Variants in SV2C observed in about 807,000 individuals in gnomAD.
The protein encoded by SV2C is synaptic vesicle glycoprotein 2C.
Under a neutral mutation model 79.7 loss-of-function variants are expected in SV2C, and 49 were observed. The ratio of observed to expected loss-of-function variants is 0.61; its 90% CI spans 0.49 to 0.78. The LOEUF (loss-of-function observed/expected upper bound fraction) is 0.78, where lower values mean the gene tolerates loss of function less well. Among genes scored for constraint, SV2C ranks in the 30% least tolerant of loss-of-function variants. The pLI is 0.00. For missense variants in SV2C, 833 were observed against 912.9 expected, an observed-to-expected ratio of 0.91 and a Z score of 1.13; for synonymous variants, 334 against 333.2, an observed-to-expected ratio of 1.00 and a Z score of -0.03.
chr5:76,253,674 T>C (rs1194258905), intron 4 of SV2C, among the ~76,000 whole-genome samples: 1 of 148,022 alleles, frequency 6.8e-6, no homozygotes, highest in East Asian at 2.0e-4. Flanking sequence ...CTGGGACAGT[T>C]CTATTCCCTT....
chr5:76,148,953 C>T (rs1430949674), intron 2 of SV2C, among the ~76,000 whole-genome samples: 1 of 152,142 alleles, frequency 6.6e-6, no homozygotes, highest in Non-Finnish European at 1.5e-5. Context: ...TTTTTCCAGT[C>T]TTAATCTGCC....
At chr5:76,133,334 TTAAAAC>T (rs2112191301) in intron 2 of SV2C, among the ~76,000 whole-genome samples, 1 of 152,348 alleles carries the variant, frequency 6.6e-6, no homozygotes, top group East Asian at 1.9e-4. Context: ...AGGGACTTCT[TTAAAAC>T]TAAAGCTTCA....
intron 9 of SV2C, among the ~76,000 whole-genome samples, chr5:76,297,836 T>C (rs1232340610): frequency 2.6e-5 from 4 of 152,182 alleles, no homozygotes; most frequent in Non-Finnish European, 5.9e-5. Context: ...GATCAGTCCC[T>C]TTCTGCCCCT....
At chr5:75,962,472 G>A in the SV2C span, among the ~76,000 whole-genome samples, 2 of 152,068 alleles carry the variant, frequency 1.3e-5, no homozygotes, top group African/African-American at 4.8e-5. Flanking sequence ...AAATCTGAGG[G>A]TACATATTCA....
the SV2C span, among the ~76,000 whole-genome samples, chr5:75,958,783 G>A: frequency 2.0e-5 from 3 of 151,920 alleles, no homozygotes; most frequent in Non-Finnish European, 4.4e-5. Context: ...CTTGTAGTGG[G>A]AATGGGGGTG....
chr5:76,254,244 A>G (rs897355460), intron 4 of SV2C, among the ~76,000 whole-genome samples: 65 of 128,544 alleles, frequency 5.1e-4, no homozygotes, highest in African/African-American at 1.8e-3. Flanking sequence ...GTGTGTGTAT[A>G]TATATATATA....
intron 2 of SV2C, among the ~76,000 whole-genome samples, chr5:76,183,834 A>G (rs1432564479): frequency 1.3e-5 from 2 of 152,044 alleles, no homozygotes; most frequent in Admixed American, 1.3e-4. Flanking sequence ...GAGGCTTCTC[A>G]TTCATTATTC....
intron 12 of SV2C, among the ~76,000 whole-genome samples, chr5:76,352,196 G>A (rs1414975243): frequency 1.3e-5 from 2 of 152,150 alleles, no homozygotes; most frequent in Admixed American, 1.3e-4. Context: ...CTGGGCGACA[G>A]AGTGAGACTC....
intron 4 of SV2C, among the ~76,000 whole-genome samples, chr5:76,229,364 A>G (rs1434362074): frequency 1.3e-5 from 2 of 152,216 alleles, no homozygotes; most frequent in Admixed American, 6.5e-5. Flanking sequence ...CAGGCTGGAC[A>G]ATTAGAAATG....
At chr5:75,980,341 G>A in the SV2C span, among the ~76,000 whole-genome samples, 1 of 152,052 alleles carries the variant, frequency 6.6e-6, no homozygotes, top group African/African-American at 2.4e-5. Context: ...TGAAAAGGAG[G>A]GACTCCTCCC....
At chr5:75,851,010 T>C in the SV2C span, among the ~76,000 whole-genome samples, 1 of 152,138 alleles carries the variant, frequency 6.6e-6, no homozygotes, top group African/African-American at 2.4e-5. Context: ...CTTTTTGCTC[T>C]CCCCTACTCC....
At chr5:75,963,834 T>TA in the SV2C span, among the ~76,000 whole-genome samples, 1 of 152,140 alleles carries the variant, frequency 6.6e-6, no homozygotes, top group Non-Finnish European at 1.5e-5. Context: ...CTATGTCTCT[T>TA]AGTGTTTCTC....
chr5:75,933,611 G>A, the SV2C span, among the ~76,000 whole-genome samples: 86,239 of 152,090 alleles, frequency 0.57, 25,342 homozygotes, highest in African/African-American at 0.73. Flanking sequence ...TGGATAACCA[G>A]TAGCACCGTA....
At chr5:76,150,903 G>A (rs116633839) in intron 2 of SV2C, among the ~76,000 whole-genome samples, 2 of 152,170 alleles carry the variant, frequency 1.3e-5, no homozygotes, top group South Asian at 4.2e-4. Flanking sequence ...GCCTCACAAA[G>A]TGTTGGCATT....
intron 1 of SV2C, among the ~76,000 whole-genome samples, chr5:76,102,800 T>C (rs1382224183): frequency 6.6e-6 from 1 of 152,186 alleles, no homozygotes; most frequent in African/African-American, 2.4e-5. Flanking sequence ...TGAATAAATA[T>C]ACGTTATTAA....
chr5:75,953,591 T>C, the SV2C span, among the ~76,000 whole-genome samples: 8 of 151,982 alleles, frequency 5.3e-5, no homozygotes, highest in African/African-American at 1.7e-4. Context: ...ATGAGTACTT[T>C]ATCCGGAAAC....
the SV2C span, among the ~76,000 whole-genome samples, chr5:75,949,352 G>T: frequency 6.6e-6 from 1 of 151,720 alleles, no homozygotes; most frequent in Non-Finnish European, 1.5e-5. Flanking sequence ...GGTGGGGCTT[G>T]GGCAGAGAAG....
chr5:76,158,350 G>A (rs572609137), intron 2 of SV2C, among the ~76,000 whole-genome samples: 1 of 151,438 alleles, frequency 6.6e-6, no homozygotes, highest in Non-Finnish European at 1.5e-5. Flanking sequence ...TAAAAGGAAA[G>A]GAAAAGATAT....
the SV2C span, among the ~76,000 whole-genome samples, chr5:75,860,935 T>C: frequency 0.11 from 16,841 of 152,158 alleles, 994 homozygotes; most frequent in East Asian, 0.16. Context: ...AAAAATTAAC[T>C]CAAGGTGGAT....
Sources: allele counts gnomAD v4.1 joint callset (sites outside exome capture counted in the v4.1 genomes callset), GRCh38; gene constraint gnomAD v4.1.1; transcripts MANE v1.5; gene names NCBI Gene and HGNC (gene_info 2026-07-23, HGNC 2026-07-21).